Variants in SLC3A1 observed in about 807,000 individuals in gnomAD.
SLC3A1 encodes the protein solute carrier family 3 member 1.
A neutral mutation model predicts 60.3 loss-of-function variants in SLC3A1; 78 were observed. The ratio of observed to expected loss-of-function variants is 1.29; its 90% confidence interval spans 1.08 to 1.56. SLC3A1 has a LOEUF of 1.56. Among genes scored for constraint, SLC3A1 ranks in the 40% most tolerant of loss-of-function variants. The probability of loss-of-function intolerance (pLI) is 0.00; values close to 1 mark genes in which losing one functional copy is unlikely to be tolerated. For synonymous variants in SLC3A1, 392 were observed against 307.9 expected, an observed-to-expected ratio of 1.27 and a Z score of -2.86; for missense variants, 1,172 against 858.9, an observed-to-expected ratio of 1.36 and a Z score of -4.56.
chr2:44,305,420 T>G (rs1170253428), intron 7 of SLC3A1, among the ~76,000 whole-genome samples: 2 of 135,852 alleles, frequency 1.5e-5, no homozygotes, highest in African/African-American at 5.7e-5. Flanking sequence ...CAACCTTTCT[T>G]TTCTTACTTT....
chr2:44,301,479 G>A (rs1324825709), intron 6 of SLC3A1: 9 of 441,358 alleles, frequency 2.0e-5, no homozygotes, highest in South Asian at 4.3e-5. Flanking sequence ...AGTGGCTCAC[G>A]CCTGTAAACC....
chr2:44,284,925 G>T (rs1572793038), intron 3 of SLC3A1, among the ~76,000 whole-genome samples: 1 of 152,120 alleles, frequency 6.6e-6, no homozygotes, highest in Admixed American at 6.6e-5. Context: ...TACTAATGAT[G>T]ATGTGTCTAA....
chr2:44,281,545 A>C lies in SLC3A1; in HGVS notation c.765+4A>C. 1 of 1,613,888 alleles carries C rather than the reference A, an allele frequency of 6.2e-7. No individual in the cohort carries two copies. Among genetic ancestry groups the C allele is most frequent in the Non-Finnish European group, 8.5e-7 (1 of 1,179,738 alleles). Reference sequence around the variant, plus strand: ...AACCATTCCACCCAACAACTGGGTAAGTATCAACCTGTCTGACTTACAAAG... The same window carrying C: ...AACCATTCCACCCAACAACTGGGTACGTATCAACCTGTCTGACTTACAAAG... On this transcript the variant is annotated splice_donor_region_variant and intron_variant, in intron 3 of 9. Coordinates refer to ENST00000260649, the MANE Select transcript of SLC3A1 (RefSeq NM_000341.4).
chr2:44,308,247 G>C (rs919564118), intron 7 of SLC3A1, among the ~76,000 whole-genome samples: 1 of 152,228 alleles, frequency 6.6e-6, no homozygotes, highest in Non-Finnish European at 1.5e-5. Context: ...GAGTTGATTA[G>C]TGTAGCTTAG....
In SLC3A1 at chr2:44,312,576, T is replaced by C; in HGVS notation, c.1333-10T>C. The C allele has an allele frequency of 6.2e-7, 1 of 1,613,696 alleles. No individual in the cohort carries two copies. The highest frequency in any genetic ancestry group is 8.5e-7 in the Non-Finnish European group (1 of 1,179,616). ...ATACAGCTGTGTTCTTAAAAATATC[T>C]GCCTTTCAGATTGGTGGACCAGACA... is the stretch of plus-strand genomic sequence containing the variant. On this transcript the variant is annotated splice_polypyrimidine_tract_variant and intron_variant, in intron 7 of 9. Coordinates refer to ENST00000260649, the MANE Select transcript of SLC3A1 (RefSeq NM_000341.4).
At chr2:44,314,053 C>T (rs570675309) in intron 9 of SLC3A1, 102 bp downstream of exon 9, 2 of 1,573,200 alleles carry the variant, frequency 1.3e-6, no homozygotes, top group Non-Finnish European at 1.7e-6. Flanking sequence ...TTAACGGATA[C>T]TCTTTAAATC....
Position 44,320,630 on chromosome 2 carries a change from C to A in SLC3A1, c.2049C>A (p.Thr683=). ...CYSSVLNILY[T]SC ...CCAGTGTACTGAACATACTGTATAC[C>A]TCGTGTTAGGCACCTTTATGAAGAG... The change falls in exon 10 of 10, where the codon ACC becomes ACA. Residue 683 remains threonine, a synonymous_variant. Coordinates refer to ENST00000260649, the MANE Select transcript of SLC3A1 (RefSeq NM_000341.4). 1 of 1,613,232 alleles carries A rather than the reference C, an allele frequency of 6.2e-7. No homozygotes were observed. The highest frequency in any genetic ancestry group is 8.5e-7 in the Non-Finnish European group (1 of 1,179,350).
chr2:44,303,903 C>G, intron 6 of SLC3A1: 1 of 614,584 alleles, frequency 1.6e-6, no homozygotes, highest in Non-Finnish European at 2.9e-6. Flanking sequence ...CTGCAAAGGA[C>G]ATGGACTCAT....
rs578163806 is a variant in SLC3A1 at position 44,295,747 on chromosome 2, T to A, written c.892-4224T>A. On this transcript the variant is annotated intron_variant, in intron 4 of 9. Transcript: ENST00000260649. Reference sequence around the variant, plus strand: ...GACTCCGTAAAGAAAAGGACTGGCTTTATTTTAGGAAATCAGTGCCCAAAA... The same window carrying A: ...GACTCCGTAAAGAAAAGGACTGGCTATATTTTAGGAAATCAGTGCCCAAAA... 2.6e-5 allele frequency among the ~76,000 whole-genome samples: 4 copies of A among 152,334 alleles called. No homozygotes were observed. In the South Asian group the frequency reaches 8.3e-4, roughly 32 times the overall value.
chr2:44,276,510 A>G (rs1462770292), intron 1 of SLC3A1, among the ~76,000 whole-genome samples: 1 of 152,192 alleles, frequency 6.6e-6, no homozygotes, highest in African/African-American at 2.4e-5. Flanking sequence ...AGCAGTATGC[A>G]TTCGTCATTA....
At chr2:44,301,228 A>G in intron 6 of SLC3A1, 101 bp downstream of exon 6, 1 of 1,424,752 alleles carries the variant, frequency 7.0e-7, no homozygotes, top group Non-Finnish European at 9.8e-7. Flanking sequence ...GTAATAATGT[A>G]ACAAGCCTGC....
At chr2:44,291,765 C>T (rs1038614793) in intron 4 of SLC3A1, among the ~76,000 whole-genome samples, 1 of 152,122 alleles carries the variant, frequency 6.6e-6, no homozygotes, top group African/African-American at 2.4e-5. Flanking sequence ...AACTTGTACT[C>T]CTGGAGCCTG....
chr2:44,275,635 A>G lies in SLC3A1; in HGVS notation c.100A>G (p.Thr34Ala), dbSNP rs748553507. The G allele has an allele frequency of 3.3e-5, 53 of 1,613,986 alleles. No individual in the cohort carries two copies. The Admixed American group carries it at 8.8e-4, about 27-fold the overall frequency. Reference sequence around the variant, plus strand: ...CCATAATGAAGACATTCTGGAGCAGACCCCGGATCCAGGAAGCTCAACAGA... The same window carrying G: ...CCATAATGAAGACATTCTGGAGCAGGCCCCGGATCCAGGAAGCTCAACAGA... ...FVHNEDILEQTPDPGSSTDNL... is the reference protein window; with the variant it reads ...FVHNEDILEQAPDPGSSTDNL... The change falls in exon 1 of 10, where the codon ACC becomes GCC. Residue 34 changes from threonine to alanine, a missense_variant. Transcript: ENST00000260649.
At chr2:44,285,243 T>G (rs1318399711) in intron 3 of SLC3A1, 1 of 158,756 alleles carries the variant, frequency 6.3e-6, no homozygotes, top group Non-Finnish European at 1.4e-5. Flanking sequence ...TGTGTTGCCA[T>G]GGACATGTGG....
At chr2:44,290,704 A>G (rs1455052110) in intron 4 of SLC3A1, among the ~76,000 whole-genome samples, 4 of 123,550 alleles carry the variant, frequency 3.2e-5, no homozygotes, top group Non-Finnish European at 6.8e-5. Context: ...TTTACTGTAT[A>G]TGTTTGGTGT....
intron 4 of SLC3A1, among the ~76,000 whole-genome samples, chr2:44,289,973 T>G (rs1671705490): frequency 6.6e-6 from 1 of 152,118 alleles, no homozygotes; most frequent in Non-Finnish European, 1.5e-5. Context: ...GCCTTTAGTG[T>G]CGTATCTAAG....
At chr2:44,304,040 C>T (rs1458703429) in intron 6 of SLC3A1, 103 bp from the exon 7 acceptor site, 13 of 863,180 alleles carry the variant, frequency 1.5e-5, no homozygotes, top group Non-Finnish European at 2.4e-5. Context: ...TAATAGTGTG[C>T]ATTCAGCCCC....
rs1477997208 is a variant in SLC3A1, at chr2:44,304,487, C to G, written c.1332+149C>G. ...TCAGTGGTCAGGCCTGTCACAGCCT[C>G]TGCCAGGTTCTTTTCATTAAGGGAG... On this transcript the variant is annotated intron_variant, in intron 7 of 9. Coordinates refer to ENST00000260649, the MANE Select transcript of SLC3A1 (RefSeq NM_000341.4). The G allele has an allele frequency of 2.0e-5, 14 of 692,008 alleles. No individual in the cohort carries two copies. In the Admixed American group the frequency reaches 2.4e-4, roughly 12 times the overall value. The allele number at this position is 692,008 out of a possible 1,614,324, so 42.9% of individuals were successfully genotyped here. A position where few individuals can be genotyped will look rare whatever the true frequency, so the allele number is the denominator to read the frequency against.
downstream of SLC3A1, chr2:44,322,031 CCAT>C (rs1033997219): frequency 8.0e-6 from 7 of 875,320 alleles, no homozygotes; most frequent in Admixed American, 1.2e-4. Flanking sequence ...GCAAAAACCA[CCAT>C]CATCAACAAA....
Sources: allele counts gnomAD v4.1 joint callset (sites outside exome capture counted in the v4.1 genomes callset), GRCh38; gene constraint gnomAD v4.1.1; transcripts MANE v1.5; gene names NCBI Gene and HGNC (gene_info 2026-07-23, HGNC 2026-07-21).